The following PER2 variants were observed in gnomAD, a reference collection of about 807,000 sequenced individuals.
PER2 encodes period circadian protein homolog 2.
A neutral mutation model predicts 121.0 loss-of-function variants in PER2; 66 were observed. The ratio of observed to expected loss-of-function variants is 0.55; its 90% CI spans 0.45 to 0.67. The LOEUF (loss-of-function observed/expected upper bound fraction) is 0.67, where lower values mean the gene tolerates loss of function less well. PER2 is among the 30% of genes least tolerant of loss of function. PER2 has a pLI of 0.00. For synonymous variants in PER2, 684 were observed against 659.9 expected (o/e 1.04, Z -0.56); for missense variants, 1,521 against 1,635.0 (o/e 0.93, Z 1.20).
At chr2:238,259,908 C>G in intron 14 of PER2, 61 bp downstream of exon 14, 14 of 795,796 alleles carry the variant, frequency 1.8e-5, no homozygotes, top group Non-Finnish European at 3.0e-5. Flanking sequence ...CCCAGGTTCC[C>G]TCTTCTCATG....
intron 6 of PER2, among the ~76,000 whole-genome samples, chr2:238,270,482 T>C (rs1275021593): frequency 6.6e-6 from 1 of 151,460 alleles, no homozygotes. Flanking sequence ...TCAAAAGAAA[T>C]TAGGAAAGTA....
At chr2:238,296,930 C>T in the PER2 span, among the ~76,000 whole-genome samples, 3 of 152,198 alleles carry the variant, frequency 2.0e-5, no homozygotes, top group Admixed American at 6.5e-5. Context: ...AAGTGCTGAG[C>T]GGTTCATGGC....
Position 238,261,774 on chromosome 2 carries a change from G to T in PER2, c.1371C>A (p.Pro457=). 6.3e-7 allele frequency: 1 copy of T among 1,577,218 alleles called. No individual in the cohort carries two copies. ...HPCTEEKALH[P]SIQELTEQIH... is the part of the protein sequence containing the mutation. ...TCTGCTCTGTGAGCTCCTGAATGCTGGGGTGCAGGGCCTTCTCCTCTGTGC... is the reference window on the plus strand; with the variant it reads ...TCTGCTCTGTGAGCTCCTGAATGCTTGGGTGCAGGGCCTTCTCCTCTGTGC... The change falls in exon 12 of 23, where the codon CCC becomes CCA. Residue 457 remains proline (P), a synonymous_variant. Coordinates refer to ENST00000254657, the MANE Select transcript of PER2 (RefSeq NM_022817.3).
upstream of PER2, among the ~76,000 whole-genome samples, chr2:238,288,767 C>T (rs1303572398): frequency 1.3e-5 from 2 of 151,652 alleles, no homozygotes; most frequent in Non-Finnish European, 2.9e-5. Flanking sequence ...CCGCCGCCTC[C>T]GCCGCGGCCG....
intron 9 of PER2, among the ~76,000 whole-genome samples, chr2:238,263,721 A>G (rs905207345): frequency 6.6e-6 from 1 of 151,366 alleles, no homozygotes. Context: ...TTGCATCCAA[A>G]CCAATGTTTC....
At chr2:238,261,466 G>C (rs981221496) in intron 12 of PER2, 41 of 532,194 alleles carry the variant, frequency 7.7e-5, no homozygotes, top group East Asian at 1.7e-4. Flanking sequence ...GTCAGAGCAC[G>C]GGGTCTGCAC....
chr2:238,278,086 G>GTCTCTCTC (rs778225399), intron 1 of PER2, 131 bp from the exon 2 acceptor site: 4 of 935,892 alleles, frequency 4.3e-6, no homozygotes, highest in East Asian at 5.6e-5. Context: ...TCTTCTCTCT[G>GTCTCTCTC]TCTCTCTCTC....
rs4429421 is a variant in PER2 at position 238,255,792 on chromosome 2, C to T, written c.2185G>A (p.Val729Ile). 2,830 of 1,614,158 alleles carry T rather than the reference C, an allele frequency of 1.8e-3. 62 individuals are homozygous for T. The Admixed American group carries it at 0.039, about 22-fold the overall frequency. ...TCCTTCTGTGTGTGTGCAGCGAGTA[C>T]CTCCTTGGTGAGGCCCAGCTTCTTG... ...PFKKLGLTKE[V>I]LAAHTQKEEQ... is the part of the protein sequence containing the mutation. Residue 729 changes from valine (V) to isoleucine (I), a missense_variant, in exon 18 of 23, where the codon GTA becomes ATA. Val to Ile is a conservative substitution (Grantham distance 29). Coordinates refer to ENST00000254657, the MANE Select transcript of PER2 (RefSeq NM_022817.3).
intron 4 of PER2, among the ~76,000 whole-genome samples, chr2:238,273,949 A>C (rs1381835582): frequency 6.6e-6 from 1 of 152,170 alleles, no homozygotes. Context: ...TACAGGCGTG[A>C]GCCACCGCGC....
intron 6 of PER2, among the ~76,000 whole-genome samples, chr2:238,269,901 A>G (rs550191897): frequency 3.7e-4 from 56 of 152,378 alleles, no homozygotes; most frequent in South Asian, 1.2e-3. Context: ...ACTGTCCCTG[A>G]GTAAGAGCAG....
In PER2 at chr2:238,252,808, C is replaced by T. The variant is rs1407142980; in HGVS notation, c.3111+104G>A. 2 of 1,019,134 alleles carry T rather than the reference C, an allele frequency of 2.0e-6. No homozygotes were observed. Among genetic ancestry groups the T allele is most frequent in the Non-Finnish European group, 3.1e-6 (2 of 648,692 alleles). The allele number at this position is 1,019,134 out of a possible 1,614,324, so 63.1% of individuals were successfully genotyped here. On this transcript the variant is annotated intron_variant, in intron 19 of 22. Transcript: ENST00000254657. This position sits in a 1 kb window ranked among gnomAD's most constrained non-coding sequence, Gnocchi z 4.2. ...CAAAACCTACAGGGTTTGGTGGAAA[C>T]CTCAATCGTGTAACCCCCATGTCTG...
chr2:238,289,540 G>C (rs1696906294), upstream of PER2: 1 of 152,246 alleles, frequency 6.6e-6, no homozygotes, highest in Non-Finnish European at 1.5e-5. Flanking sequence ...TGTTGTCCCT[G>C]CCCCCAAGCG....
chr2:238,263,886 C>T (rs1696015574), intron 9 of PER2, among the ~76,000 whole-genome samples: 1 of 151,896 alleles, frequency 6.6e-6, no homozygotes, highest in African/African-American at 2.4e-5. Context: ...ACAGGATATA[C>T]AGAATGTTCC....
Position 238,244,311 on chromosome 2 carries a change from C to T in PER2, c.*2064G>A, listed in dbSNP as rs1278317289. ...GTGTAAGCACACACACTAAAGAAAA[C>T]ATGACTTGATGCTTGGCATCACGTA... On this transcript the variant is annotated 3_prime_UTR_variant, in exon 23 of 23. Coordinates refer to ENST00000254657, the MANE Select transcript of PER2 (RefSeq NM_022817.3). 4 of 152,604 alleles carry T rather than the reference C, an allele frequency of 2.6e-5. No individual in the cohort carries two copies. The highest frequency in any genetic ancestry group is 9.6e-5 in the African/African-American group (4 of 41,466). The allele number at this position is 152,604 out of a possible 1,614,324, so 9.5% of individuals were successfully genotyped here.
chr2:238,279,677 C>T (rs1468377060), intron 1 of PER2, among the ~76,000 whole-genome samples: 3 of 152,194 alleles, frequency 2.0e-5, no homozygotes, highest in African/African-American at 7.2e-5. Context: ...TGCTCCAGTT[C>T]CCATCTAGCT....
intron 13 of PER2, 109 bp from the exon 14 acceptor site, chr2:238,260,162 GA>G: frequency 1.5e-6 from 1 of 654,550 alleles, no homozygotes; most frequent in Non-Finnish European, 2.8e-6. Flanking sequence ...AACACAGAAG[GA>G]AACTGTGGAT....
intron 8 of PER2, among the ~76,000 whole-genome samples, chr2:238,266,421 T>G (rs1378315822): frequency 6.6e-6 from 1 of 152,164 alleles, no homozygotes; most frequent in Non-Finnish European, 1.5e-5. Flanking sequence ...GCACCTGGTC[T>G]GGATTCAGAT....
At position 238,264,683 on chromosome 2, in the gene PER2, G is replaced by A. The variant is rs967700360; in HGVS notation, c.1046+829C>T. ...GCTGTGACCTAGGCTGGAGTGCAGT[G>A]GTGCAATCATAGCTCACCGTAGCCT... On this transcript the variant is annotated intron_variant, in intron 9 of 22. Coordinates refer to ENST00000254657, the MANE Select transcript of PER2 (RefSeq NM_022817.3). 2.0e-5 allele frequency among the ~76,000 whole-genome samples: 3 copies of A among 152,072 alleles called. No homozygotes were observed. The South Asian group carries it at 6.2e-4, about 31-fold the overall frequency.
chr2:238,249,532 C>T (rs769688194), intron 21 of PER2, among the ~76,000 whole-genome samples: 8 of 152,184 alleles, frequency 5.3e-5, no homozygotes, highest in South Asian at 2.1e-4. Context: ...GCCAGCAGGA[C>T]GGCATTCCCC....
Sources: gnomAD v4.1 joint callset for allele counts (sites outside exome capture counted in the v4.1 genomes callset) on GRCh38, gnomAD v4.1.1 for gene constraint, Gnocchi (gnomAD v3.1) non-coding constraint, MANE v1.5 for transcripts, NCBI Gene and HGNC (gene_info 2026-07-23, HGNC 2026-07-21) for gene names.